The following SLCO4C1 variants were observed in gnomAD, a reference collection of about 807,000 sequenced individuals.
SLCO4C1 encodes the protein solute carrier organic anion transporter family member 4C1, also known as organic anion transporter M1.
In SLCO4C1, 58 loss-of-function variants were observed where a neutral mutation model predicts 72.1. The ratio of observed to expected loss-of-function variants is 0.80; its 90% CI spans 0.65 to 1.00. The LOEUF (loss-of-function observed/expected upper bound fraction) is 1.00. Among genes scored for constraint, SLCO4C1 ranks in the 50% least tolerant of loss-of-function variants. The pLI is 0.00. For missense variants in SLCO4C1, 898 were observed against 857.9 expected (o/e 1.05, Z -0.58); for synonymous variants, 297 against 312.5 (o/e 0.95, Z 0.52).
In SLCO4C1 at chr5:102,289,882, G is replaced by A. The variant is rs142323612; in HGVS notation, c.619+1461C>T. 2.0e-4 allele frequency among the ~76,000 whole-genome samples: 30 copies of A among 151,072 alleles called. No homozygotes were observed. In the East Asian group the frequency reaches 5.6e-3, roughly 28 times the overall value. On this transcript the variant is annotated intron_variant, in intron 2 of 12. Transcript: ENST00000310954. ...AATGAAGCCTACTTACCTAATAAGT[G>A]CACTTCTAAAACCATGCTGTGTAAT...
At position 102,236,662 on chromosome 5, in the gene SLCO4C1, G is replaced by A. The variant is rs529446362; in HGVS notation, c.*196C>T. On this transcript the variant is annotated 3_prime_UTR_variant, in exon 13 of 13. Transcript: ENST00000310954. ...TGTGTGCTGTGTTTTGAGGCTTTAC[G>A]TGGGCTTTGAAGGCACAGGTCTGTT... 9.1e-5 allele frequency: 43 copies of A among 474,460 alleles called. No homozygotes were observed. Among genetic ancestry groups the A allele is most frequent in the Middle Eastern group, 1.2e-3 (2 of 1,622 alleles). 29.4% of individuals were successfully genotyped at this position (474,460 alleles called of 1,614,324 possible).
At chr5:102,255,018 G>GA (rs1273343379) in intron 8 of SLCO4C1, among the ~76,000 whole-genome samples, 15 of 150,088 alleles carry the variant, frequency 1.0e-4, no homozygotes, top group Admixed American at 9.2e-4. Context: ...GGGGCCATGA[G>GA]AAAAAAATGA....
At chr5:102,288,125 G>A (rs187228106) in intron 2 of SLCO4C1, among the ~76,000 whole-genome samples, 89 of 152,190 alleles carry the variant, frequency 5.8e-4, no homozygotes, top group Non-Finnish European at 9.7e-4. Context: ...CTAGAATGAG[G>A]AAGGCCTTCA....
chr5:102,265,201 A>G (rs1489934587), intron 3 of SLCO4C1, among the ~76,000 whole-genome samples: 1 of 151,998 alleles, frequency 6.6e-6, no homozygotes, highest in Admixed American at 6.6e-5. Context: ...AAAGTTCTTT[A>G]TATATTCTGG....
In SLCO4C1 at chr5:102,239,317, A is replaced by T. The variant is rs1748495578; in HGVS notation, c.1948T>A (p.Cys650Ser). The change falls in exon 12 of 13, where the codon TGT becomes AGT. Residue 650 changes from cysteine to serine, a missense_variant. Physicochemically the swap from Cys to Ser is moderately radical, Grantham distance 112 (BLOSUM62 -1). Coordinates refer to ENST00000310954, the MANE Select transcript of SLCO4C1 (RefSeq NM_180991.5). ...ATCCAGCAAGCTCCTTTAATTCCAC[A>T]ATCATTTATATCCCAAAGAATACAT... Reference protein sequence around the residue: ...STCILWDINDCGIKGACWIYD... With the variant: ...STCILWDINDSGIKGACWIYD... The T allele has an allele frequency of 6.2e-7, 1 of 1,604,496 alleles. No homozygotes were observed. The highest frequency in any genetic ancestry group is 1.1e-5 in the South Asian group (1 of 88,834).
chr5:102,291,682 G>A, intron 1 of SLCO4C1, 76 bp from the exon 2 acceptor site: 3 of 1,231,684 alleles, frequency 2.4e-6, no homozygotes, highest in East Asian at 2.6e-5. Flanking sequence ...ATGAAGTAGA[G>A]TTTGATTATT....
chr5:102,238,111 T>A (rs563371026), intron 12 of SLCO4C1, among the ~76,000 whole-genome samples: 1 of 152,296 alleles, frequency 6.6e-6, no homozygotes, highest in East Asian at 1.9e-4. Context: ...GACTATAGAA[T>A]GATTAGTTAC....
intron 2 of SLCO4C1, among the ~76,000 whole-genome samples, chr5:102,279,247 G>A (rs184616939): frequency 6.6e-6 from 1 of 151,944 alleles, no homozygotes; most frequent in Admixed American, 6.6e-5. Flanking sequence ...TAGATGAAAT[G>A]GGTCAATTAC....
intron 2 of SLCO4C1, among the ~76,000 whole-genome samples, chr5:102,289,036 G>C (rs976294132): frequency 6.6e-6 from 1 of 152,166 alleles, no homozygotes; most frequent in African/African-American, 2.4e-5. Flanking sequence ...AGAATAACAG[G>C]AGGGCAAGCT....
intron 6 of SLCO4C1, among the ~76,000 whole-genome samples, 166 bp from the exon 7 acceptor site, chr5:102,258,253 C>T (rs531914971): frequency 2.6e-5 from 4 of 152,182 alleles, no homozygotes; most frequent in African/African-American, 9.6e-5. Flanking sequence ...TAGAATTACA[C>T]ATACATGATG....
intron 3 of SLCO4C1, among the ~76,000 whole-genome samples, chr5:102,268,977 G>A (rs2113090): frequency 0.55 from 83,179 of 151,408 alleles, 23,649 homozygotes; most frequent in East Asian, 0.67. Flanking sequence ...CCCTGCCTTT[G>A]AGCATTCTTA....
intron 7 of SLCO4C1, 114 bp downstream of exon 7, chr5:102,257,829 G>A (rs185552045): frequency 1.3e-4 from 126 of 947,216 alleles, no homozygotes; most frequent in Admixed American, 3.7e-4. Flanking sequence ...CATGTTGGCC[G>A]GGCTGGTTTT....
intron 10 of SLCO4C1, among the ~76,000 whole-genome samples, chr5:102,242,553 T>C (rs1748565355): frequency 6.6e-6 from 1 of 152,122 alleles, no homozygotes. Flanking sequence ...GGCCCTCCCA[T>C]TTCAGGCCTT....
rs1431223410 is a variant in SLCO4C1, at chr5:102,262,125, A to G, written c.900-92T>C. On this transcript the variant is annotated intron_variant, in intron 4 of 12. Coordinates refer to ENST00000310954, the MANE Select transcript of SLCO4C1 (RefSeq NM_180991.5). ...ATCATATACTTTATACTTCAAGTGC[A>G]TATAGTAGAATATGATTATAATATC... 8.5e-6 allele frequency: 8 copies of G among 937,306 alleles called. No homozygotes were observed. In the East Asian group the frequency reaches 2.1e-4, roughly 24 times the overall value. 58.1% of individuals were successfully genotyped at this position (937,306 alleles called of 1,614,324 possible). A position where few individuals can be genotyped will look rare whatever the true frequency, so the allele number is the denominator to read the frequency against.
chr5:102,296,010 C>A lies in SLCO4C1; in HGVS notation c.253G>T (p.Glu85Ter). The A allele has an allele frequency of 1.9e-6, 3 of 1,614,254 alleles. No homozygotes were observed. The highest frequency in any genetic ancestry group is 1.3e-5 in the African/African-American group (1 of 75,064). ...AAGTTCCTCCAGCCGTAAGACCCCT[C>A]CTCAAACTCGGACAGCGACAGTGAC... is the stretch of plus-strand genomic sequence containing the variant. ...LRSLSLSEFE[E>*]GSYGWRNFHP... The change falls in exon 1 of 13, where the codon GAG (glutamate) becomes TAG (stop). Residue 85 changes from glutamate to a stop codon, truncating the protein, a stop_gained. Transcript: ENST00000310954. LOFTEE classifies it high-confidence loss of function.
chr5:102,277,362 C>T (rs1450502408), intron 2 of SLCO4C1, among the ~76,000 whole-genome samples: 1 of 151,178 alleles, frequency 6.6e-6, no homozygotes, highest in East Asian at 2.0e-4. Flanking sequence ...CCTCACCCCT[C>T]GTGCCAGTGA....
At chr5:102,252,159 G>A (rs1372488247) in intron 8 of SLCO4C1, among the ~76,000 whole-genome samples, 1 of 151,030 alleles carries the variant, frequency 6.6e-6, no homozygotes. Context: ...AGGGAGGGAG[G>A]AGGAGAAGCA....
At chr5:102,287,776 G>A (rs1345347764) in intron 2 of SLCO4C1, among the ~76,000 whole-genome samples, 4 of 151,582 alleles carry the variant, frequency 2.6e-5, no homozygotes, top group African/African-American at 4.8e-5. Flanking sequence ...GGCTGGTTTC[G>A]AACTCCTGAC....
rs143277122 is a variant in SLCO4C1, at chr5:102,262,010, G to A, written c.923C>T (p.Pro308Leu). The stretch of plus-strand genomic sequence containing the variant: ...AATCCACCAAGCTCCCAACCATCGC[G>A]GATCATCCTCAGTGACATCAGTGCT... ...GESTDVTEDD[P>L]RWLGAWWIGF... The change falls in exon 5 of 13, where the codon CCG becomes CTG. Residue 308 changes from proline to leucine, a missense_variant. Coordinates refer to ENST00000310954, the MANE Select transcript of SLCO4C1 (RefSeq NM_180991.5). 180 of 1,612,592 alleles carry A rather than the reference G, an allele frequency of 1.1e-4. No individual in the cohort carries two copies. Among genetic ancestry groups the A allele is most frequent in the East Asian group, 3.8e-4 (17 of 44,714 alleles).
Sources: allele counts gnomAD v4.1 joint callset (sites outside exome capture counted in the v4.1 genomes callset), GRCh38; gene constraint gnomAD v4.1.1; transcripts MANE v1.5; gene names NCBI Gene and HGNC (gene_info 2026-07-23, HGNC 2026-07-21).